PLCG2: variants seen among roughly 807,000 people sequenced by gnomAD.
The protein encoded by PLCG2 is phospholipase C gamma 2, also known as 1-phosphatidylinositol 4,5-bisphosphate phosphodiesterase gamma-2.
PLCG2 carries 69 observed loss-of-function variants against 175.6 expected under a neutral mutation model. That is an observed-to-expected ratio of 0.39 (90% CI 0.32 to 0.48). The LOEUF (loss-of-function observed/expected upper bound fraction) is 0.48, where lower values mean the gene tolerates loss of function less well. Ranked by LOEUF, PLCG2 falls within the 20% of genes least tolerant of loss-of-function variation. The probability of loss-of-function intolerance (pLI) is 0.91; values close to 1 mark genes in which losing one functional copy is unlikely to be tolerated. For missense variants in PLCG2, 1,798 were observed against 1,650.9 expected (o/e 1.09, Z -1.54); for synonymous variants, 827 against 624.0 (o/e 1.33, Z -4.85).
intron 5 of PLCG2, among the ~76,000 whole-genome samples, chr16:81,859,777 C>T (rs1906875020): frequency 6.6e-6 from 1 of 152,128 alleles, no homozygotes. Context: ...ACCTTGTGAT[C>T]CGCCCACCTT....
chr16:81,780,718 G>C (rs1213998114), intron 1 of PLCG2, among the ~76,000 whole-genome samples: 1 of 152,118 alleles, frequency 6.6e-6, no homozygotes, highest in Non-Finnish European at 1.5e-5. Context: ...AAAGCTGCTG[G>C]TGAGAAAACT....
chr16:81,898,821 A>G (rs1183339948), intron 13 of PLCG2, among the ~76,000 whole-genome samples: 1 of 152,080 alleles, frequency 6.6e-6, no homozygotes, highest in Non-Finnish European at 1.5e-5. Context: ...TTCTTAAGAG[A>G]TACCTGTGGG....
Position 81,897,848 on chromosome 16 carries a change from T to C in PLCG2, c.1193+1921T>C, listed in dbSNP as rs553124586. Reference sequence around the variant, plus strand: ...GCATGAGCCACCGTGCCCAACCCGATTGGTTATTTTTATTGCATTTACTGC... The same window carrying C: ...GCATGAGCCACCGTGCCCAACCCGACTGGTTATTTTTATTGCATTTACTGC... On this transcript the variant is annotated intron_variant, in intron 13 of 32. Transcript: ENST00000564138. 38 of 455,720 alleles carry C rather than the reference T, an allele frequency of 8.3e-5. No individual in the cohort carries two copies. In the East Asian group the frequency reaches 9.8e-4, roughly 12 times the overall value. 28.2% of individuals were successfully genotyped at this position (455,720 alleles called of 1,614,324 possible).
chr16:81,891,320 A>G (rs1051985049), intron 10 of PLCG2, 152 bp from the exon 11 acceptor site: 3 of 634,682 alleles, frequency 4.7e-6, no homozygotes, highest in African/African-American at 1.8e-5. Flanking sequence ...AGCCTTCGGT[A>G]TTGAAAACGT....
At chr16:81,874,119 TTAAA>T (rs1907654001) in intron 7 of PLCG2, among the ~76,000 whole-genome samples, 4 of 152,310 alleles carry the variant, frequency 2.6e-5, no homozygotes, top group African/African-American at 9.6e-5. Context: ...ATCTAATGGT[TTAAA>T]TATGTTAAAA....
upstream of PLCG2, among the ~76,000 whole-genome samples, chr16:81,776,083 C>CTTTCTTTCTT: frequency 1.3e-3 from 106 of 81,930 alleles, 11 homozygotes; most frequent in South Asian, 0.016. Flanking sequence ...TTCTCTCTCT[C>CTTTCTTTCTT]TCTCTCTTTC....
At chr16:81,857,576 G>T (rs1906748345) in intron 3 of PLCG2, among the ~76,000 whole-genome samples, 1 of 152,120 alleles carries the variant, frequency 6.6e-6, no homozygotes, top group East Asian at 1.9e-4. Context: ...CTGCCTTCTT[G>T]CCATGTGCTC....
At position 81,908,398 on chromosome 16, in the gene PLCG2, C is replaced by G; in HGVS notation, c.1558-18C>G. 6.2e-7 allele frequency: 1 copy of G among 1,609,930 alleles called. No homozygotes were observed. Among genetic ancestry groups the G allele is most frequent in the Non-Finnish European group, 8.5e-7 (1 of 1,177,390 alleles). On this transcript the variant is annotated intron_variant, in intron 16 of 32. Coordinates refer to ENST00000564138, the MANE Select transcript of PLCG2 (RefSeq NM_002661.5). ...TGGTCCAAGGCTTTCAGAAACCCCT[C>G]CTCTCTTTGCGGCCCAGGATATACC... is the stretch of plus-strand genomic sequence containing the variant.
chr16:81,855,582 A>G (rs1273907672), intron 3 of PLCG2, among the ~76,000 whole-genome samples: 1 of 152,220 alleles, frequency 6.6e-6, no homozygotes, highest in African/African-American at 2.4e-5. Context: ...CCAGTGAGCT[A>G]GGAAGATGAA....
intron 23 of PLCG2, 45 bp downstream of exon 23, chr16:81,927,223 A>G (rs759359815): frequency 3.0e-6 from 4 of 1,342,812 alleles, no homozygotes; most frequent in Non-Finnish European, 4.3e-6. Flanking sequence ...AGGGATCTGC[A>G]GGTCCAGTTT....
chr16:81,879,247 G>T (rs569976074), intron 7 of PLCG2, among the ~76,000 whole-genome samples: 1 of 152,284 alleles, frequency 6.6e-6, no homozygotes, highest in South Asian at 2.1e-4. Flanking sequence ...TCTAGCCCCT[G>T]ATGCCTTCAG....
intron 20 of PLCG2, among the ~76,000 whole-genome samples, chr16:81,919,978 T>C (rs1049716237): frequency 6.6e-6 from 1 of 151,788 alleles, no homozygotes; most frequent in African/African-American, 2.4e-5. Context: ...TTTCAGAGGG[T>C]GGTCTAGGAA....
intron 2 of PLCG2, chr16:81,767,971 C>A (rs1235257960): frequency 2.0e-5 from 3 of 152,184 alleles, no homozygotes; most frequent in Admixed American, 2.0e-4. Flanking sequence ...CTCACTGCAA[C>A]CTCTACCTCC....
chr16:81,757,103 T>C (rs1335242498), intron 2 of PLCG2, among the ~76,000 whole-genome samples: 1 of 152,186 alleles, frequency 6.6e-6, no homozygotes, highest in East Asian at 1.9e-4. Context: ...TTGGAATAGT[T>C]GCATCTCTTT....
intron 11 of PLCG2, among the ~76,000 whole-genome samples, 180 bp from the exon 12 acceptor site, chr16:81,893,529 G>C (rs1223466852): frequency 1.3e-5 from 2 of 152,246 alleles, no homozygotes; most frequent in Admixed American, 6.5e-5. Context: ...CATGCCCAGT[G>C]TGACCGTGGG....
intron 30 of PLCG2, among the ~76,000 whole-genome samples, chr16:81,945,423 A>G (rs565499865): frequency 5.9e-5 from 9 of 152,382 alleles, no homozygotes; most frequent in South Asian, 2.1e-4. Flanking sequence ...TGCATAGGCA[A>G]TCTTGGGAAA....
rs1221944809 is a variant in PLCG2, at chr16:81,910,603, C to A, written c.1817C>A (p.Thr606Asn). 6.2e-7 allele frequency: 1 copy of A among 1,614,032 alleles called. No homozygotes were observed. Among genetic ancestry groups the A allele is most frequent in the Non-Finnish European group, 8.5e-7 (1 of 1,180,000 alleles). Residue 606 changes from threonine (T) to asparagine (N), a missense_variant, in exon 18 of 33, where the codon ACC (threonine) becomes AAC (asparagine). Transcript: ENST00000564138. ...TLKYYLTDNL[T>N]FSSIYALIQH... is the part of the protein sequence containing the mutation. ...AAATACTACTTGACTGACAACCTCA[C>A]CTTCAGCAGCATCTATGCCCTCATC...
At position 81,954,567 on chromosome 16, in the gene PLCG2, T is replaced by C. The variant is rs552870134; in HGVS notation, c.3571-2128T>C. Among the ~76,000 whole-genome samples, 251 of 152,338 alleles carry C rather than the reference T, an allele frequency of 1.6e-3. 2 individuals are homozygous for C. Among genetic ancestry groups the C allele is most frequent in the African/African-American group, 5.6e-3 (232 of 41,576 alleles). On this transcript the variant is annotated intron_variant, in intron 31 of 32. Coordinates refer to ENST00000564138, the MANE Select transcript of PLCG2 (RefSeq NM_002661.5). ...GTCCTCATTGTTCAACTCCCACTTA[T>C]GAGTGAGAACATATGGTATTTGGTT... is the stretch of plus-strand genomic sequence containing the variant.
At chr16:81,941,187 T>G (rs2143740571) in intron 30 of PLCG2, among the ~76,000 whole-genome samples, 1 of 152,366 alleles carries the variant, frequency 6.6e-6, no homozygotes, top group East Asian at 1.9e-4. Flanking sequence ...TGACCATTTC[T>G]GCTACTGGGC....
Sources: gnomAD v4.1 joint callset for allele counts (sites outside exome capture counted in the v4.1 genomes callset) on GRCh38, gnomAD v4.1.1 for gene constraint, MANE v1.5 for transcripts, NCBI Gene and HGNC (gene_info 2026-07-23, HGNC 2026-07-21) for gene names.